Variants in PCDHGB2 observed in about 807,000 individuals in gnomAD.
The protein encoded by PCDHGB2 is protocadherin gamma-B2.
Under a neutral mutation model 59.3 loss-of-function variants are expected in PCDHGB2, and 55 were observed. The ratio of observed to expected loss-of-function variants is 0.93; its 90% CI spans 0.75 to 1.16. PCDHGB2 has a LOEUF of 1.16. Among genes scored for constraint, PCDHGB2 ranks in the 50% most tolerant of loss-of-function variants. The pLI is 0.00. For synonymous variants in PCDHGB2, 516 were observed against 512.0 expected, an observed-to-expected ratio of 1.01 and a Z score of -0.11; for missense variants, 1,228 against 1,198.5, an observed-to-expected ratio of 1.02 and a Z score of -0.36.
chr5:141,501,132 G>T (rs371444727), intron 2 of PCDHGB2, among the ~76,000 whole-genome samples: 2 of 152,262 alleles, frequency 1.3e-5, no homozygotes, highest in East Asian at 3.9e-4. Flanking sequence ...CTCCCTAAGT[G>T]CTGGGATTAC....
chr5:141,491,080 A>T lies in PCDHGB2; in HGVS notation c.2422-3727A>T. On this transcript the variant is annotated intron_variant, in intron 1 of 3. Transcript: ENST00000522605. This position sits in a 1 kb window ranked among gnomAD's most constrained non-coding sequence, Gnocchi z 6.9. ...CTCCTACTCACTGTTGCCACAGTCC[A>T]CAGCCCCAGGACTGTTCCTCGTGTC... The T allele has an allele frequency of 6.2e-7, 1 of 1,614,116 alleles. No individual in the cohort carries two copies. Among genetic ancestry groups the T allele is most frequent in the Non-Finnish European group, 8.5e-7 (1 of 1,179,994 alleles).
In PCDHGB2 at chr5:141,432,272, G is replaced by A. The variant is rs772255343; in HGVS notation, c.2422-62535G>A. On this transcript the variant is annotated intron_variant, in intron 1 of 3. Transcript: ENST00000522605. The surrounding 1 kb of genome is among the most constrained non-coding windows in gnomAD (Gnocchi z 6.0). ...CCAAGGGGCAAGCCTATCGTCCTAC[G>A]TGTCCATCAACTCCGACACTGGGGT... 1 of 1,614,210 alleles carries A rather than the reference G, an allele frequency of 6.2e-7. No individual in the cohort carries two copies. Among genetic ancestry groups the A allele is most frequent in the South Asian group, 1.1e-5 (1 of 91,086 alleles).
chr5:141,409,951 G>C (rs1480000390), intron 1 of PCDHGB2: 1 of 1,613,256 alleles, frequency 6.2e-7, no homozygotes, highest in Non-Finnish European at 8.5e-7. Flanking sequence ...GCTCTGCAGA[G>C]CCCGGCTACC....
chr5:141,460,278 G>C (rs1380767218), intron 1 of PCDHGB2, among the ~76,000 whole-genome samples: 1 of 151,964 alleles, frequency 6.6e-6, no homozygotes, highest in African/African-American at 2.4e-5. Context: ...TTCTTTTATA[G>C]TTTGTATTTC....
intron 1 of PCDHGB2, among the ~76,000 whole-genome samples, chr5:141,457,440 A>C (rs188608086): frequency 1.3e-5 from 2 of 152,334 alleles, no homozygotes; most frequent in African/African-American, 4.8e-5. Flanking sequence ...ACCAAGCTGC[A>C]GAAGATCACC....
At chr5:141,426,858 T>C (rs898486771) in intron 1 of PCDHGB2, 1 of 456,574 alleles carries the variant, frequency 2.2e-6, no homozygotes, top group Non-Finnish European at 4.4e-6. Context: ...CGCTCCAGAA[T>C]TAGTGCTGGA....
At chr5:141,423,497 A>G in intron 1 of PCDHGB2, 4 of 1,613,940 alleles carry the variant, frequency 2.5e-6, no homozygotes, top group Non-Finnish European at 3.4e-6. Flanking sequence ...TATTCCCACG[A>G]GGTCTCTCTC....
At chr5:141,368,400 C>T (rs1765636638) in intron 1 of PCDHGB2, among the ~76,000 whole-genome samples, 1 of 152,106 alleles carries the variant, frequency 6.6e-6, no homozygotes, top group Admixed American at 6.6e-5. Flanking sequence ...CACAAACACA[C>T]ATACATACAC....
intron 3 of PCDHGB2, among the ~76,000 whole-genome samples, chr5:141,506,943 T>A (rs2099857373): frequency 6.6e-6 from 1 of 152,192 alleles, no homozygotes; most frequent in South Asian, 2.1e-4. Context: ...GGGCCTCCTG[T>A]CAATGAATCC....
intron 1 of PCDHGB2, among the ~76,000 whole-genome samples, chr5:141,466,613 C>T (rs772278295): frequency 1.2e-4 from 19 of 152,144 alleles, no homozygotes; most frequent in Non-Finnish European, 2.4e-4. Context: ...TGTAAACTGC[C>T]GTTTTCTTTG....
chr5:141,401,000 C>T (rs113065470), intron 1 of PCDHGB2, among the ~76,000 whole-genome samples: 2 of 152,218 alleles, frequency 1.3e-5, no homozygotes, highest in Non-Finnish European at 2.9e-5. Flanking sequence ...CTTTCTTATT[C>T]CTACCTAATG....
At chr5:141,407,415 A>C (rs1561707597) in intron 1 of PCDHGB2, among the ~76,000 whole-genome samples, 1 of 152,228 alleles carries the variant, frequency 6.6e-6, no homozygotes, top group Non-Finnish European at 1.5e-5. Flanking sequence ...TCGATACCAC[A>C]AAAATGTCTC....
rs1046764113 is a variant in PCDHGB2, at chr5:141,495,395, G to A, written c.2480+530G>A. Among the ~76,000 whole-genome samples the A allele has an allele frequency of 4.1e-4, 62 of 152,326 alleles. 1 individual carries two copies. The highest frequency in any genetic ancestry group is 1.4e-3 in the African/African-American group (57 of 41,576). On this transcript the variant is annotated intron_variant, in intron 2 of 3. Transcript: ENST00000522605. Reference sequence around the variant, plus strand: ...GAGGAAGGACTGGGCGGGGCATGGAGCAGGCCCCCTTCTCCGGCCCCTCCT... The same window carrying A: ...GAGGAAGGACTGGGCGGGGCATGGAACAGGCCCCCTTCTCCGGCCCCTCCT...
At chr5:141,384,580 G>C in intron 1 of PCDHGB2, 1 of 1,614,196 alleles carries the variant, frequency 6.2e-7, no homozygotes, top group Non-Finnish European at 8.5e-7. Flanking sequence ...CAACCCGCCC[G>C]AGATCCTGTA....
intron 1 of PCDHGB2, chr5:141,392,738 T>C (rs2150490352): frequency 4.2e-6 from 6 of 1,433,676 alleles, no homozygotes; most frequent in Non-Finnish European, 5.5e-6. Flanking sequence ...GTCATCTCCA[T>C]AGCTGCGGCA....
intron 1 of PCDHGB2, among the ~76,000 whole-genome samples, chr5:141,460,983 GTA>G (rs59296681): frequency 1.2e-4 from 16 of 137,836 alleles, no homozygotes; most frequent in East Asian, 2.1e-4. Context: ...GTGTGTGTGT[GTA>G]TATATATATA....
intron 1 of PCDHGB2, chr5:141,370,269 G>T: frequency 1.3e-6 from 1 of 783,944 alleles, no homozygotes; most frequent in East Asian, 2.7e-5. Flanking sequence ...TCCTGCAGCG[G>T]AGACACCCAT....
At chr5:141,505,336 G>A in intron 2 of PCDHGB2, 57 bp from the exon 3 acceptor site, 2 of 1,611,374 alleles carry the variant, frequency 1.2e-6, no homozygotes, top group South Asian at 1.1e-5. Flanking sequence ...GAGGACAGGA[G>A]GGGCATGAGC....
chr5:141,403,054 A>G, intron 1 of PCDHGB2: 6 of 1,614,062 alleles, frequency 3.7e-6, no homozygotes, highest in Non-Finnish European at 5.1e-6. Flanking sequence ...TTCGCTACTC[A>G]GTGCCTGAAG....
Sources: allele counts gnomAD v4.1 joint callset (sites outside exome capture counted in the v4.1 genomes callset), GRCh38; gene constraint gnomAD v4.1.1; non-coding constraint Gnocchi (gnomAD v3.1); transcripts MANE v1.5; gene names NCBI Gene and HGNC (gene_info 2026-07-23, HGNC 2026-07-21).